ARHGAP40: variants seen among roughly 807,000 people sequenced by gnomAD.
ARHGAP40 encodes Rho GTPase activating protein 40, also known as rho GTPase-activating protein 40.
In ARHGAP40, 43 loss-of-function variants were observed where a neutral mutation model predicts 73.5. The ratio of observed to expected loss-of-function variants is 0.58; its 90% CI spans 0.46 to 0.75. The LOEUF (loss-of-function observed/expected upper bound fraction) is 0.75. ARHGAP40 is among the 30% of genes least tolerant of loss of function. The probability of loss-of-function intolerance (pLI) is 0.00; values close to 1 mark genes in which losing one functional copy is unlikely to be tolerated. For synonymous variants in ARHGAP40, 300 were observed against 352.8 expected, an observed-to-expected ratio of 0.85 and a Z score of 1.68; for missense variants, 734 against 861.8, an observed-to-expected ratio of 0.85 and a Z score of 1.86.
intron 10 of ARHGAP40, among the ~76,000 whole-genome samples, chr20:38,642,457 T>C (rs137903376): frequency 6.6e-6 from 1 of 152,310 alleles, no homozygotes; most frequent in African/African-American, 2.4e-5. Flanking sequence ...CTGAGGATGA[T>C]AATAGCATTA....
chr20:38,635,081 C>T (rs901438382), intron 6 of ARHGAP40, among the ~76,000 whole-genome samples: 1 of 151,974 alleles, frequency 6.6e-6, no homozygotes, highest in African/African-American at 2.4e-5. Flanking sequence ...GGGGTTTCAC[C>T]ATGTTGGCCA....
At chr20:38,620,004 C>T (rs1365303327) in intron 1 of ARHGAP40, among the ~76,000 whole-genome samples, 3 of 152,072 alleles carry the variant, frequency 2.0e-5, no homozygotes, top group African/African-American at 7.2e-5. Context: ...CCCAAGACTT[C>T]GAGGCAGCAG....
At chr20:38,603,407 GTCTATCTATCTATCTATCTATCTATCTA>G (rs71330431) in intron 1 of ARHGAP40, among the ~76,000 whole-genome samples, 6 of 129,466 alleles carry the variant, frequency 4.6e-5, no homozygotes, top group African/African-American at 1.3e-4. Context: ...TTGTTTATCT[GTCTATCTATCTATCTATCTATCTATCTA>G]TCTATCTATC....
chr20:38,628,314 T>TC, intron 3 of ARHGAP40, among the ~76,000 whole-genome samples: 1 of 151,842 alleles, frequency 6.6e-6, no homozygotes. Flanking sequence ...AAATCCTTTT[T>TC]TTTTTTTTGA....
In ARHGAP40 at chr20:38,646,163, C is replaced by A. The variant is rs1482580497; in HGVS notation, c.1686C>A (p.Asp562Glu). 1 of 1,303,488 alleles carries A rather than the reference C, an allele frequency of 7.7e-7. No individual in the cohort carries two copies. The highest frequency in any genetic ancestry group is 1.0e-6 in the Non-Finnish European group (1 of 988,454). 80.7% of individuals were successfully genotyped at this position (1,303,488 alleles called of 1,614,324 possible). ...TGCGGAGGATGCACGCAGACAGGGACAAGGCGGGGGACGGCCTCGAGGCGG... is the reference window on the plus strand; with the variant it reads ...TGCGGAGGATGCACGCAGACAGGGAAAAGGCGGGGGACGGCCTCGAGGCGG... Residue 562 changes from aspartate to glutamate, a missense_variant, in exon 12 of 15, where the codon GAC becomes GAA. Transcript: ENST00000373345. The surrounding 1 kb of genome is among the most constrained non-coding windows in gnomAD (Gnocchi z 4.5).
exon 15 of ARHGAP40, chr20:38,650,018 G>A: frequency 2.4e-6 from 1 of 412,300 alleles, no homozygotes; most frequent in Non-Finnish European, 4.5e-6. Context: ...ACTCAGGGGT[G>A]GTGCTCTCTC....
At chr20:38,648,719 C>A (rs1000349004) in intron 14 of ARHGAP40, 21 bp downstream of exon 14, 1 of 1,305,044 alleles carries the variant, frequency 7.7e-7, no homozygotes, top group South Asian at 1.2e-5. Context: ...CTGTGGGAAA[C>A]AGGAACAGAG....
At chr20:38,633,226 G>A (rs1371787978) in intron 5 of ARHGAP40, among the ~76,000 whole-genome samples, 4 of 152,102 alleles carry the variant, frequency 2.6e-5, no homozygotes, top group African/African-American at 9.7e-5. Context: ...AGGTTACAGT[G>A]AGCTGTGATT....
chr20:38,607,817 C>T (rs375146211), intron 1 of ARHGAP40, among the ~76,000 whole-genome samples: 2 of 152,184 alleles, frequency 1.3e-5, no homozygotes, highest in Admixed American at 6.5e-5. Flanking sequence ...TGTTTTATTT[C>T]GCATTGCCCT....
rs187739165 is a variant in ARHGAP40, at chr20:38,643,820, C to A, written c.1479C>A (p.Pro493=). The change falls in exon 11 of 15, where the codon CCC becomes CCA. Residue 493 remains proline, a synonymous_variant. Coordinates refer to ENST00000373345, the Ensembl canonical transcript of ARHGAP40. ...TCTTTCTGCACCAAGGGCGGCCCCC[C>A]AAGCTCCCCAAAGGCAAGGAGAAGC... The A allele has an allele frequency of 5.4e-6, 7 of 1,305,554 alleles. No individual in the cohort carries two copies. In the African/African-American group the frequency reaches 7.6e-5, roughly 14 times the overall value. The allele number at this position is 1,305,554 out of a possible 1,614,324, so 80.9% of individuals were successfully genotyped here.
intron 1 of ARHGAP40, among the ~76,000 whole-genome samples, chr20:38,613,528 C>T (rs2088816149): frequency 1.3e-5 from 2 of 152,126 alleles, no homozygotes; most frequent in South Asian, 4.2e-4. Context: ...GGCATAATGG[C>T]CTGGCAAAGC....
chr20:38,619,113 G>T (rs983580499), intron 1 of ARHGAP40, among the ~76,000 whole-genome samples: 1 of 152,186 alleles, frequency 6.6e-6, no homozygotes, highest in Non-Finnish European at 1.5e-5. Flanking sequence ...GGTTGTATTT[G>T]AGGAAGTGAC....
At chr20:38,630,060 TTTTC>T (rs371088762) in intron 5 of ARHGAP40, among the ~76,000 whole-genome samples, 3,429 of 140,496 alleles carry the variant, frequency 0.024, 73 homozygotes, top group African/African-American at 0.055. Flanking sequence ...CCTCCTTCTT[TTTTC>T]TTTCTTTCTT....
At chr20:38,606,489 T>C (rs1249275428) in intron 1 of ARHGAP40, among the ~76,000 whole-genome samples, 1 of 152,204 alleles carries the variant, frequency 6.6e-6, no homozygotes, top group Non-Finnish European at 1.5e-5. Flanking sequence ...CCAGACATTA[T>C]TGTTCATTTT....
At chr20:38,647,952 C>T (rs1174699193) in intron 13 of ARHGAP40, among the ~76,000 whole-genome samples, 3 of 152,212 alleles carry the variant, frequency 2.0e-5, no homozygotes, top group Non-Finnish European at 2.9e-5. Flanking sequence ...CAGCAAGGAG[C>T]AGAGCCTGGC....
At chr20:38,634,545 G>GAGA (rs2088960882) in intron 5 of ARHGAP40, 75 bp from the exon 6 acceptor site, 1 of 1,246,624 alleles carries the variant, frequency 8.0e-7, no homozygotes, top group African/African-American at 1.6e-5. Flanking sequence ...ATGCCCTGGG[G>GAGA]AGAAGGGGGA....
intron 1 of ARHGAP40, among the ~76,000 whole-genome samples, chr20:38,614,172 G>T (rs2088820523): frequency 6.6e-6 from 1 of 152,190 alleles, no homozygotes; most frequent in Non-Finnish European, 1.5e-5. Flanking sequence ...CATGTACTAA[G>T]TTATGTGAGT....
intron 9 of ARHGAP40, among the ~76,000 whole-genome samples, chr20:38,641,298 T>G (rs1421008505): frequency 2.0e-5 from 3 of 152,166 alleles, no homozygotes; most frequent in Admixed American, 2.0e-4. Flanking sequence ...CCGGAGATCC[T>G]GACACCAGGT....
chr20:38,614,700 A>G (rs1457480093), intron 1 of ARHGAP40, among the ~76,000 whole-genome samples: 1 of 152,234 alleles, frequency 6.6e-6, no homozygotes, highest in Non-Finnish European at 1.5e-5. Flanking sequence ...GATTTCTAGA[A>G]GTAGATGTGG....
Sources: gnomAD v4.1 joint callset for allele counts (sites outside exome capture counted in the v4.1 genomes callset) on GRCh38, gnomAD v4.1.1 for gene constraint, Gnocchi (gnomAD v3.1) non-coding constraint, MANE v1.5 for transcripts, NCBI Gene and HGNC (gene_info 2026-07-23, HGNC 2026-07-21) for gene names.